Variants in TRIM68 observed in about 807,000 individuals in gnomAD.
TRIM68 encodes tripartite motif containing 68, also known as E3 ubiquitin-protein ligase TRIM68.
A neutral mutation model predicts 41.9 loss-of-function variants in TRIM68; 36 were observed. The observed-to-expected ratio is 0.86, with a 90% CI of 0.66 to 1.14. The LOEUF (loss-of-function observed/expected upper bound fraction) is 1.14. Among genes scored for constraint, TRIM68 ranks in the 50% most tolerant of loss-of-function variants. The probability of loss-of-function intolerance (pLI) is 0.00; values close to 1 mark genes in which losing one functional copy is unlikely to be tolerated. For missense variants in TRIM68, 632 were observed against 605.1 expected (o/e 1.04, Z -0.47); for synonymous variants, 225 against 224.6 (o/e 1.00, Z -0.02).
rs1487948192 is a variant in TRIM68 at position 4,603,287 on chromosome 11, C to T, written c.480G>A (p.Trp160Ter). 1 of 1,614,208 alleles carries T rather than the reference C, an allele frequency of 6.2e-7. No individual in the cohort carries two copies. Among genetic ancestry groups the T allele is most frequent in the Non-Finnish European group, 8.5e-7 (1 of 1,180,032 alleles). ...GTTTCCTTTCACCAACTTCAAGCTT[C>T]CAGGCCTCTTCTTGCTCTTTCTTCA... is the stretch of plus-strand genomic sequence containing the variant. ...EHLKKEQEEAWKLEVGERKRT... is the reference protein window; with the variant it reads ...EHLKKEQEEA Residue 160 changes from tryptophan to a stop codon, truncating the protein, a stop_gained, in exon 3 of 7, where the codon TGG becomes TGA. Coordinates refer to ENST00000300747, the MANE Select transcript of TRIM68 (RefSeq NM_018073.8). LOFTEE classifies it high-confidence loss of function.
Position 4,602,250 on chromosome 11 carries a change from A to C in TRIM68, c.685T>G (p.Leu229Val). Reference protein sequence around the residue: ...EAAETMQKLELNHSELIQQSQ... With the variant: ...EAAETMQKLEVNHSELIQQSQ... ...TGCTGGATGAGCTCGCTATGGTTCA[A>C]CTCCAGTTTCTGCATGGTCTCCGCT... The change falls in exon 4 of 7, where the codon TTG becomes GTG. Residue 229 changes from leucine (L) to valine (V), a missense_variant. Transcript: ENST00000300747. 1 of 1,613,798 alleles carries C rather than the reference A, an allele frequency of 6.2e-7. No individual in the cohort carries two copies. Among genetic ancestry groups the C allele is most frequent in the South Asian group, 1.1e-5 (1 of 91,054 alleles).
chr11:4,601,807 C>T, intron 4 of TRIM68, 121 bp from the exon 5 acceptor site: 1 of 1,201,964 alleles, frequency 8.3e-7, no homozygotes. Flanking sequence ...TGGAGAGATG[C>T]CATGCAGAGG....
chr11:4,602,211 A>C lies in TRIM68; in HGVS notation c.724T>G (p.Trp242Gly), dbSNP rs1008318300. ...SELIQQSQVLWRMIAELKERS... is the reference protein window; with the variant it reads ...SELIQQSQVLGRMIAELKERS... Reference sequence around the variant, plus strand: ...TCTTTCAACTCTGCAATCATCCTCCACAGGACCTGGCTCTGCTGGATGAGC... The same window carrying C: ...TCTTTCAACTCTGCAATCATCCTCCCCAGGACCTGGCTCTGCTGGATGAGC... The change falls in exon 4 of 7, where the codon TGG (tryptophan) becomes GGG (glycine). Residue 242 changes from tryptophan to glycine, a missense_variant. By Grantham distance (184) the Trp-to-Gly change is radical (BLOSUM62 -2). Transcript: ENST00000300747. 4 of 1,614,008 alleles carry C rather than the reference A, an allele frequency of 2.5e-6. No individual in the cohort carries two copies. Among genetic ancestry groups the C allele is most frequent in the Non-Finnish European group, 3.4e-6 (4 of 1,180,002 alleles).
chr11:4,607,712 A>AT (rs1260204453), intron 1 of TRIM68, among the ~76,000 whole-genome samples: 10 of 152,220 alleles, frequency 6.6e-5, no homozygotes, highest in Non-Finnish European at 1.5e-4. Flanking sequence ...ACCTGCTTTA[A>AT]TGTTTGACTT....
chr11:4,600,658 T>C lies in TRIM68; in HGVS notation c.1076A>G (p.Tyr359Cys), dbSNP rs555265278. The stretch of plus-strand genomic sequence containing the variant: ...CCTGTCTCCCACCTCCACCTCCCAG[T>C]AGTGCCGGCCTGAGGAGATGCACTG... ...GSQCISSGRH[Y>C]WEVEVGDRSE... Residue 359 changes from tyrosine (Y) to cysteine (C), a missense_variant, in exon 7 of 7, where the codon TAC becomes TGC. Transcript: ENST00000300747. 3 of 1,614,156 alleles carry C rather than the reference T, an allele frequency of 1.9e-6. No individual in the cohort carries two copies. Among genetic ancestry groups the C allele is most frequent in the East Asian group, 4.5e-5 (2 of 44,872 alleles).
In TRIM68 at chr11:4,605,198, C is replaced by T. The variant is rs1327890464; in HGVS notation, c.307G>A (p.Glu103Lys). 1 of 1,614,154 alleles carries T rather than the reference C, an allele frequency of 6.2e-7. No homozygotes were observed. The highest frequency in any genetic ancestry group is 1.3e-5 in the African/African-American group (1 of 74,954). Residue 103 changes from glutamate to lysine, a missense_variant, in exon 2 of 7, where the codon GAA (glutamate) becomes AAA (lysine). Transcript: ENST00000300747. ...LKGDLCERHG[E>K]KLKMFCKEDV... ...TCTTTGCAGAACATCTTCAGCTTTTCCCCATGGCGCTCACACAGGTCACCC... is the reference window on the plus strand; with the variant it reads ...TCTTTGCAGAACATCTTCAGCTTTTTCCCATGGCGCTCACACAGGTCACCC...
Position 4,600,339 on chromosome 11 carries a change from G to GC in TRIM68, c.1394dup (p.Cys465TrpfsTer28), listed in dbSNP as rs747770180. ...CAGTGTTGTTGGTTCCAATGCTGTAGCAAGGACTAAAATAGGGCAGGAGGC... is the reference window on the plus strand; with the variant it reads ...CAGTGTTGTTGGTTCCAATGCTGTAGCCAAGGACTAAAATAGGGCAGGAGGC... On this transcript the variant is annotated frameshift_variant, in exon 7 of 7. Coordinates refer to ENST00000300747, the MANE Select transcript of TRIM68 (RefSeq NM_018073.8). LOFTEE classifies it high-confidence loss of function. 5.6e-6 allele frequency: 9 copies of GC among 1,612,344 alleles called. No individual in the cohort carries two copies. Among genetic ancestry groups the GC allele is most frequent in the Non-Finnish European group, 5.9e-6 (7 of 1,179,142 alleles).
chr11:4,602,952 C>G (rs568428008), intron 3 of TRIM68, among the ~76,000 whole-genome samples: 1 of 152,342 alleles, frequency 6.6e-6, no homozygotes, highest in South Asian at 2.1e-4. Flanking sequence ...GCTTTACAAG[C>G]ATGATATAAG....
chr11:4,601,191 G>T, intron 5 of TRIM68, 64 bp from the exon 6 acceptor site: 1 of 1,265,756 alleles, frequency 7.9e-7, no homozygotes, highest in Non-Finnish European at 1.2e-6. Context: ...CCTTATCTTA[G>T]TACAGGGAAG....
intron 5 of TRIM68, 89 bp downstream of exon 5, chr11:4,601,575 G>A (rs369717619): frequency 5.0e-6 from 7 of 1,412,638 alleles, no homozygotes; most frequent in African/African-American, 2.8e-5. Flanking sequence ...TGTGTGCACC[G>A]AGTCTGTGCT....
chr11:4,605,667 A>G, intron 1 of TRIM68, 106 bp from the exon 2 acceptor site: 1 of 717,588 alleles, frequency 1.4e-6, no homozygotes, highest in Non-Finnish European at 2.2e-6. Context: ...CTTCCTTTTG[A>G]CCCTTTACTG....
chr11:4,600,932 G>C, intron 6 of TRIM68, 95 bp downstream of exon 6: 1 of 1,564,958 alleles, frequency 6.4e-7, no homozygotes, highest in Non-Finnish European at 8.8e-7. Context: ...GAAGGGGTGA[G>C]GCTGGATGGA....
At chr11:4,601,881 G>C in intron 4 of TRIM68, 195 bp from the exon 5 acceptor site, 2 of 781,108 alleles carry the variant, frequency 2.6e-6, no homozygotes, top group Non-Finnish European at 4.1e-6. Flanking sequence ...GCCAATTTCA[G>C]GCTCCATCTC....
chr11:4,607,162 C>T (rs1422026146), intron 1 of TRIM68, among the ~76,000 whole-genome samples: 1 of 152,174 alleles, frequency 6.6e-6, no homozygotes, highest in Non-Finnish European at 1.5e-5. Context: ...CTGCTATTCT[C>T]CCAGCTGAAA....
At position 4,605,218 on chromosome 11, in the gene TRIM68, T is replaced by A. The variant is rs1216078697; in HGVS notation, c.287A>T (p.Asp96Val). 1.2e-6 allele frequency: 2 copies of A among 1,614,110 alleles called. No individual in the cohort carries two copies. Among genetic ancestry groups the A allele is most frequent in the Middle Eastern group, 1.6e-4 (1 of 6,084 alleles). ...RLHPGMGLKG[D>V]LCERHGEKLK... ...CTTTTCCCCATGGCGCTCACACAGG[T>A]CACCCTTCAGCCCCATTCCTGGATG... Residue 96 changes from aspartate (D) to valine (V), a missense_variant, in exon 2 of 7, where the codon GAC becomes GTC. Transcript: ENST00000300747.
In TRIM68 at chr11:4,600,422, T is replaced by G; in HGVS notation, c.1312A>C (p.Asn438His). The G allele has an allele frequency of 1.2e-6, 2 of 1,614,010 alleles. No individual in the cohort carries two copies. Among genetic ancestry groups the G allele is most frequent in the Non-Finnish European group, 8.5e-7 (1 of 1,179,960 alleles). ...DYEAHDISFY[N>H]VTDCGSHIFT... The stretch of plus-strand genomic sequence containing the variant: ...ATGTGGGAGCCACAGTCAGTCACAT[T>G]GTAGAAAGAAATGTCATGGGCCTCA... The change falls in exon 7 of 7, where the codon AAT (asparagine) becomes CAT (histidine). Residue 438 changes from asparagine to histidine, a missense_variant. By Grantham distance (68) the Asn-to-His change is moderately conservative. Coordinates refer to ENST00000300747, the MANE Select transcript of TRIM68 (RefSeq NM_018073.8).
Position 4,599,896 on chromosome 11 carries a change from CTG to C in TRIM68, c.*378_*379del. On this transcript the variant is annotated 3_prime_UTR_variant, in exon 7 of 7. Transcript: ENST00000300747. ...AGCCCATCTAATGGTGTCCTGAAGA[CTG>C]TATCTACTTCATCATCCTCACTGAC... is the stretch of plus-strand genomic sequence containing the variant. 1 of 177,986 alleles carries C rather than the reference CTG, an allele frequency of 5.6e-6. No homozygotes were observed. The highest frequency in any genetic ancestry group is 1.5e-4 in the East Asian group (1 of 6,558). 11.0% of individuals were successfully genotyped at this position (177,986 alleles called of 1,614,324 possible).
In TRIM68 at chr11:4,601,360, G is replaced by A. The variant is rs756541494; in HGVS notation, c.807-233C>T. 1.2e-5 allele frequency: 7 copies of A among 594,842 alleles called. No homozygotes were observed. In the Admixed American group the frequency reaches 1.8e-4, roughly 15 times the overall value. 36.8% of individuals were successfully genotyped at this position (594,842 alleles called of 1,614,324 possible). On this transcript the variant is annotated intron_variant, in intron 5 of 6. Transcript: ENST00000300747. ...TGTATATTTGATTCTGGGAGAGGAA[G>A]AAGTGCACACATTTTCTGTCGGACA...
At chr11:4,603,483 C>T in intron 2 of TRIM68, 143 bp from the exon 3 acceptor site, 3 of 684,716 alleles carry the variant, frequency 4.4e-6, no homozygotes, top group Non-Finnish European at 5.0e-6. Context: ...AGGAAGCAGA[C>T]TCTGCCCAGA....
Sources: gnomAD v4.1 joint callset for allele counts (sites outside exome capture counted in the v4.1 genomes callset) on GRCh38, gnomAD v4.1.1 for gene constraint, MANE v1.5 for transcripts, NCBI Gene and HGNC (gene_info 2026-07-23, HGNC 2026-07-21) for gene names.